RHBDL2: variants seen among roughly 807,000 people sequenced by gnomAD.
The protein encoded by RHBDL2 is rhomboid-related protein 2.
RHBDL2 carries 26 observed loss-of-function variants against 31.7 expected under a neutral mutation model. The observed-to-expected ratio is 0.82, with a 90% CI of 0.60 to 1.14. The LOEUF (loss-of-function observed/expected upper bound fraction) is 1.14. Among genes scored for constraint, RHBDL2 ranks in the 50% most tolerant of loss-of-function variants. RHBDL2 has a pLI of 0.00. For missense variants in RHBDL2, 336 were observed against 364.4 expected, an observed-to-expected ratio of 0.92 and a Z score of 0.63; for synonymous variants, 123 against 127.2, an observed-to-expected ratio of 0.97 and a Z score of 0.22.
At chr1:38,915,169 G>T (rs536226675) in intron 3 of RHBDL2, among the ~76,000 whole-genome samples, 2 of 142,058 alleles carry the variant, frequency 1.4e-5, no homozygotes, top group African/African-American at 2.6e-5. Context: ...TCTCACTCTT[G>T]TCCCCCAGCC....
At chr1:38,928,437 C>T (rs1350744774) in intron 1 of RHBDL2, among the ~76,000 whole-genome samples, 12 of 42,478 alleles carry the variant, frequency 2.8e-4, no homozygotes, top group East Asian at 1.3e-3. Context: ...CCACGGCGCC[C>T]GGCCATGTTT....
chr1:38,929,796 T>C (rs945791699), intron 1 of RHBDL2, among the ~76,000 whole-genome samples: 4 of 152,034 alleles, frequency 2.6e-5, no homozygotes, highest in African/African-American at 9.7e-5. Context: ...CTGCAAACCA[T>C]CATTATGCCA....
chr1:38,927,341 G>C (rs988035019), intron 1 of RHBDL2, among the ~76,000 whole-genome samples: 7 of 152,016 alleles, frequency 4.6e-5, no homozygotes, highest in Admixed American at 3.3e-4. Context: ...GCAGGAGAAC[G>C]GCATGAACCT....
Position 38,886,100 on chromosome 1 carries a change from GCCACCACGCCCGGCTAAT to G in RHBDL2, c.*386_*403del, listed in dbSNP as rs1352618543. 1.3e-5 allele frequency: 2 copies of G among 152,340 alleles called. No individual in the cohort carries two copies. Among genetic ancestry groups the G allele is most frequent in the Non-Finnish European group, 2.9e-5 (2 of 68,220 alleles). The allele number at this position is 152,340 out of a possible 1,614,324, so 9.4% of individuals were successfully genotyped here. A position where few individuals can be genotyped will look rare whatever the true frequency, so the allele number is the denominator to read the frequency against. On this transcript the variant is annotated 3_prime_UTR_variant, in exon 8 of 8. Coordinates refer to ENST00000372990, the MANE Select transcript of RHBDL2 (RefSeq NM_017821.5). Reference sequence around the variant, plus strand: ...CAAGTAGCTGGGACTACAGGCACACGCCACCACGCCCGGCTAATTTTTGTATTTTCTTTAGTAGAGACA... The same window carrying G: ...CAAGTAGCTGGGACTACAGGCACACGTTTTGTATTTTCTTTAGTAGAGACA...
intron 6 of RHBDL2, among the ~76,000 whole-genome samples, chr1:38,890,053 T>TTC (rs1183530777): frequency 6.6e-6 from 1 of 151,966 alleles, no homozygotes; most frequent in Non-Finnish European, 1.5e-5. Context: ...TTTTTTTTTT[T>TTC]TCAAGACGCA....
At chr1:38,928,710 T>A (rs1179677193) in intron 1 of RHBDL2, among the ~76,000 whole-genome samples, 4 of 152,064 alleles carry the variant, frequency 2.6e-5, no homozygotes, top group African/African-American at 9.7e-5. Flanking sequence ...CATCCCAACG[T>A]GCTGGGATTA....
intron 1 of RHBDL2, among the ~76,000 whole-genome samples, chr1:38,940,103 C>T (rs1210387192): frequency 6.6e-6 from 1 of 152,114 alleles, no homozygotes; most frequent in Non-Finnish European, 1.5e-5. Context: ...TAGGCAAATC[C>T]CTTAACCTGT....
At chr1:38,913,067 C>T (rs12116890) in intron 3 of RHBDL2, among the ~76,000 whole-genome samples, 55,451 of 149,508 alleles carry the variant, frequency 0.37, 11,515 homozygotes, top group Non-Finnish European at 0.47. Flanking sequence ...ACTGCAACCT[C>T]CACCTCCTGG....
intron 1 of RHBDL2, among the ~76,000 whole-genome samples, chr1:38,931,737 G>T (rs914422128): frequency 1.3e-5 from 2 of 151,862 alleles, no homozygotes; most frequent in Non-Finnish European, 2.9e-5. Flanking sequence ...ACCACCTCCT[G>T]TTCTCCAGTC....
At chr1:38,904,477 A>C (rs1043030079) in intron 4 of RHBDL2, among the ~76,000 whole-genome samples, 1 of 136,404 alleles carries the variant, frequency 7.3e-6, no homozygotes, top group Admixed American at 7.2e-5. Context: ...GTCTCAAAAA[A>C]AAAAGAAAAA....
intron 1 of RHBDL2, among the ~76,000 whole-genome samples, chr1:38,920,353 A>T (rs1034363278): frequency 2.6e-5 from 4 of 151,476 alleles, no homozygotes; most frequent in African/African-American, 9.7e-5. Flanking sequence ...TTTTTAGTAG[A>T]GACAGGGTTT....
chr1:38,917,163 G>A (rs1416680867), intron 2 of RHBDL2, among the ~76,000 whole-genome samples: 1 of 151,188 alleles, frequency 6.6e-6, no homozygotes, highest in African/African-American at 2.4e-5. Flanking sequence ...GACTACAGGT[G>A]CCCGCCACCA....
At chr1:38,916,037 G>A (rs776763187) in intron 2 of RHBDL2, among the ~76,000 whole-genome samples, 13 of 152,090 alleles carry the variant, frequency 8.5e-5, no homozygotes, top group Non-Finnish European at 8.8e-5. Context: ...TGCCCTCATC[G>A]TCGCACCAAC....
chr1:38,940,434 T>G (rs939234740), intron 1 of RHBDL2, among the ~76,000 whole-genome samples: 2 of 152,120 alleles, frequency 1.3e-5, no homozygotes, highest in African/African-American at 4.8e-5. Context: ...CTCGAACTCC[T>G]GGACTCAAGG....
chr1:38,914,934 C>T (rs1234429706), intron 3 of RHBDL2, among the ~76,000 whole-genome samples: 1 of 150,294 alleles, frequency 6.7e-6, no homozygotes, highest in East Asian at 2.1e-4. Flanking sequence ...GAGGCTGAGG[C>T]AGGAGAATCG....
intron 4 of RHBDL2, among the ~76,000 whole-genome samples, chr1:38,906,983 G>A (rs1364372281): frequency 6.6e-6 from 1 of 152,112 alleles, no homozygotes; most frequent in Non-Finnish European, 1.5e-5. Flanking sequence ...AAAATGGGAG[G>A]AATCATTCTG....
chr1:38,906,624 A>G, intron 4 of RHBDL2, among the ~76,000 whole-genome samples: 1 of 151,936 alleles, frequency 6.6e-6, no homozygotes, highest in East Asian at 1.9e-4. Context: ...CAGTGAGCGG[A>G]GATCGCACCA....
intron 4 of RHBDL2, among the ~76,000 whole-genome samples, chr1:38,906,003 G>A (rs1557613017): frequency 6.6e-6 from 1 of 150,562 alleles, no homozygotes; most frequent in African/African-American, 2.5e-5. Context: ...GGAGGCAGAG[G>A]TTGCAGTGAG....
rs1643281786 is a variant in RHBDL2, at chr1:38,919,498, T to C, written c.-125-161A>G. On this transcript the variant is annotated intron_variant, in intron 1 of 7. Transcript: ENST00000372990. ...CAGCTGTAAGTTAACATCAGATAAA[T>C]CACTTAATTAAATTCTCCAAGCCTC... 6 of 434,252 alleles carry C rather than the reference T, an allele frequency of 1.4e-5. No homozygotes were observed. In the East Asian group the frequency reaches 2.8e-4, roughly 20 times the overall value. The allele number at this position is 434,252 out of a possible 1,614,324, so 26.9% of individuals were successfully genotyped here. A position where few individuals can be genotyped will look rare whatever the true frequency, so the allele number is the denominator to read the frequency against.
Sources: allele counts gnomAD v4.1 joint callset (sites outside exome capture counted in the v4.1 genomes callset), GRCh38; gene constraint gnomAD v4.1.1; transcripts MANE v1.5; gene names NCBI Gene and HGNC (gene_info 2026-07-23, HGNC 2026-07-21).